Variants in SAMSN1 observed in about 807,000 individuals in gnomAD.
The protein encoded by SAMSN1 is SAM domain-containing protein SAMSN-1.
In SAMSN1, 31 loss-of-function variants were observed where a neutral mutation model predicts 42.0. The observed-to-expected ratio is 0.74, with a 90% CI of 0.55 to 1.00. The LOEUF (loss-of-function observed/expected upper bound fraction) is 1.00, where lower values mean the gene tolerates loss of function less well. SAMSN1 is among the 50% of genes least tolerant of loss of function. The pLI is 0.00. For synonymous variants in SAMSN1, 178 were observed against 151.9 expected (o/e 1.17, Z -1.26); for missense variants, 464 against 439.4 (o/e 1.06, Z -0.50).
chr21:14,626,777 G>T (rs1169976079), intron 2 of SAMSN1, among the ~76,000 whole-genome samples: 1 of 152,134 alleles, frequency 6.6e-6, no homozygotes, highest in East Asian at 1.9e-4. Context: ...CCATTACTGG[G>T]TATATACCCA....
upstream of SAMSN1, among the ~76,000 whole-genome samples, chr21:14,551,301 A>C (rs929453494): frequency 1.3e-5 from 2 of 152,112 alleles, no homozygotes; most frequent in Non-Finnish European, 2.9e-5. Context: ...TGGGATAAAT[A>C]GAAGGGACCA....
In SAMSN1 at chr21:14,525,123, T is replaced by C. The variant is rs2822730; in HGVS notation, c.58-3902A>G. On this transcript the variant is annotated intron_variant, in intron 1 of 7. Coordinates refer to ENST00000400566, the MANE Select transcript of SAMSN1 (RefSeq NM_022136.5). Reference sequence around the variant, plus strand: ...ATTAAAAATGATGAAATAATAAGATTACCATTTTGCAAACCCCTAATGCAA... The same window carrying C: ...ATTAAAAATGATGAAATAATAAGATCACCATTTTGCAAACCCCTAATGCAA... 7.6e-3 allele frequency among the ~76,000 whole-genome samples: 1,154 copies of C among 152,288 alleles called. 14 individuals are homozygous for C. The highest frequency in any genetic ancestry group is 0.027 in the African/African-American group (1,102 of 41,558).
chr21:14,654,852 A>G (rs1983892233), intron 1 of SAMSN1, among the ~76,000 whole-genome samples: 2 of 151,762 alleles, frequency 1.3e-5, no homozygotes, highest in South Asian at 4.1e-4. Context: ...GAAGCCAGGA[A>G]AGAAAGAAAG....
intron 1 of SAMSN1, among the ~76,000 whole-genome samples, chr21:14,541,118 C>G (rs1235782303): frequency 1.5e-5 from 2 of 133,646 alleles, no homozygotes; most frequent in South Asian, 2.5e-4. Flanking sequence ...ACATCACACA[C>G]CAGGGCCTGT....
intron 2 of SAMSN1, among the ~76,000 whole-genome samples, chr21:14,622,577 G>T (rs1336760231): frequency 6.6e-6 from 1 of 152,212 alleles, no homozygotes; most frequent in Non-Finnish European, 1.5e-5. Flanking sequence ...AGACAAAAAA[G>T]AGTAAAAAGA....
intron 2 of SAMSN1, among the ~76,000 whole-genome samples, chr21:14,551,816 C>A (rs949430529): frequency 6.6e-6 from 1 of 151,962 alleles, no homozygotes; most frequent in Admixed American, 6.6e-5. Context: ...TCTCAGCTTC[C>A]TGGTGGGGTT....
upstream of SAMSN1, among the ~76,000 whole-genome samples, chr21:14,588,401 A>G (rs1026520743): frequency 6.9e-6 from 1 of 145,266 alleles, no homozygotes; most frequent in Non-Finnish European, 1.5e-5. Flanking sequence ...CATCCTCTCC[A>G]GCACCTGTTG....
chr21:14,644,593 C>T (rs940601592), intron 1 of SAMSN1, among the ~76,000 whole-genome samples: 4 of 152,160 alleles, frequency 2.6e-5, no homozygotes, highest in Non-Finnish European at 4.4e-5. Context: ...CAGCACATTA[C>T]TAGCTGTGGT....
At chr21:14,576,018 A>C (rs1426788175) in intron 2 of SAMSN1, among the ~76,000 whole-genome samples, 1 of 152,254 alleles carries the variant, frequency 6.6e-6, no homozygotes, top group Non-Finnish European at 1.5e-5. Context: ...GAAGATGTGA[A>C]GATGGAAAAA....
At position 14,605,987 on chromosome 21, in the gene SAMSN1, G is replaced by T. The variant is rs576458651; in HGVS notation, c.322+3495C>A. On this transcript the variant is annotated intron_variant, in intron 5 of 15. Coordinates refer to the SAMSN1 transcript ENST00000647101. ...CTCCCTAGTAGCTGGGACTACAGGCGCCCGCCACCACGCCCGGCTAATTTT... is the reference window on the plus strand; with the variant it reads ...CTCCCTAGTAGCTGGGACTACAGGCTCCCGCCACCACGCCCGGCTAATTTT... 2.0e-4 allele frequency among the ~76,000 whole-genome samples: 31 copies of T among 151,604 alleles called. 1 individual carries two copies. The highest frequency in any genetic ancestry group is 4.1e-4 in the Non-Finnish European group (28 of 67,866).
chr21:14,601,130 G>A (rs975114201), intron 6 of SAMSN1, among the ~76,000 whole-genome samples: 1 of 152,142 alleles, frequency 6.6e-6, no homozygotes, highest in African/African-American at 2.4e-5. Context: ...TTCAAACTGA[G>A]CTCTGTCTGA....
upstream of SAMSN1, chr21:14,583,510 T>C: frequency 3.4e-6 from 2 of 589,428 alleles, no homozygotes; most frequent in Non-Finnish European, 6.0e-6. Context: ...GGATGTCTGT[T>C]TTAAAATAAC....
intron 1 of SAMSN1, among the ~76,000 whole-genome samples, chr21:14,647,851 T>G (rs1205441296): frequency 1.3e-4 from 19 of 150,476 alleles, no homozygotes; most frequent in Admixed American, 2.0e-4. Context: ...CCTGAGACTT[T>G]GCTGAAGTTG....
chr21:14,649,691 A>C (rs961953963), intron 1 of SAMSN1, among the ~76,000 whole-genome samples: 1 of 151,608 alleles, frequency 6.6e-6, no homozygotes, highest in African/African-American at 2.4e-5. Context: ...AATCTCTTGA[A>C]CCCAGGAGGC....
chr21:14,631,054 T>A (rs1983314931), intron 2 of SAMSN1, among the ~76,000 whole-genome samples: 1 of 152,202 alleles, frequency 6.6e-6, no homozygotes, highest in Admixed American at 6.5e-5. Context: ...AGACTCTAAG[T>A]GGTTTTTTAA....
At chr21:14,605,370 T>A (rs934066113) in intron 5 of SAMSN1, among the ~76,000 whole-genome samples, 23 of 152,224 alleles carry the variant, frequency 1.5e-4, no homozygotes, top group South Asian at 2.1e-4. Context: ...TCCCATCTTG[T>A]AAGCAAGCAT....
intron 2 of SAMSN1, among the ~76,000 whole-genome samples, chr21:14,563,633 T>C (rs1001595543): frequency 2.0e-5 from 3 of 152,178 alleles, no homozygotes; most frequent in Non-Finnish European, 4.4e-5. Context: ...TCTTACCATG[T>C]GAGTGAGCTT....
intron 4 of SAMSN1, chr21:14,612,605 C>G (rs1053755204): frequency 1.1e-4 from 59 of 533,644 alleles, no homozygotes; most frequent in African/African-American, 8.7e-4. Flanking sequence ...ACATGGAGAG[C>G]TGGAAGATGA....
rs1286050994 is a variant in SAMSN1, at chr21:14,521,356, A to T, written c.58-135T>A. On this transcript the variant is annotated intron_variant, in intron 1 of 7. Transcript: ENST00000400566. Reference sequence around the variant, plus strand: ...GGCTTTAAAAAGCTCTTCTCTCTGGAATATCCAAAGGCTGTGAAGGTATAC... The same window carrying T: ...GGCTTTAAAAAGCTCTTCTCTCTGGTATATCCAAAGGCTGTGAAGGTATAC... 6.9e-6 allele frequency: 4 copies of T among 578,446 alleles called. No homozygotes were observed. The South Asian group carries it at 7.6e-5, about 11-fold the overall frequency. The allele number at this position is 578,446 out of a possible 1,614,324, so 35.8% of individuals were successfully genotyped here. A position where few individuals can be genotyped will look rare whatever the true frequency, so the allele number is the denominator to read the frequency against.
Sources: allele counts gnomAD v4.1 joint callset (sites outside exome capture counted in the v4.1 genomes callset), GRCh38; gene constraint gnomAD v4.1.1; transcripts MANE v1.5; gene names NCBI Gene and HGNC (gene_info 2026-07-23, HGNC 2026-07-21).